The following ST18 variants were observed in gnomAD, a reference collection of about 807,000 sequenced individuals.
ST18 encodes the protein suppression of tumorigenicity 18 protein.
A neutral mutation model predicts 110.0 loss-of-function variants in ST18; 50 were observed. That is an observed-to-expected ratio of 0.45 (90% confidence interval 0.36 to 0.58). The LOEUF is 0.58. ST18 is among the 20% of genes least tolerant of loss of function. ST18 has a pLI of 0.00. For missense variants in ST18, 1,306 were observed against 1,280.1 expected, an observed-to-expected ratio of 1.02 and a Z score of -0.31; for synonymous variants, 461 against 452.4, an observed-to-expected ratio of 1.02 and a Z score of -0.24.
chr8:52,227,573 A>G (rs960725389), intron 3 of ST18, among the ~76,000 whole-genome samples: 2 of 152,230 alleles, frequency 1.3e-5, no homozygotes, highest in Non-Finnish European at 1.5e-5. Context: ...ACAATGCATT[A>G]AAGCCATATT....
intron 2 of ST18, among the ~76,000 whole-genome samples, chr8:52,275,187 T>A (rs900308261): frequency 6.6e-6 from 1 of 152,132 alleles, no homozygotes; most frequent in Non-Finnish European, 1.5e-5. Context: ...TTTTTTTTAC[T>A]TCAAGCAAAA....
chr8:52,167,126 G>T, intron 10 of ST18, 140 bp from the exon 11 acceptor site: 1 of 1,188,732 alleles, frequency 8.4e-7, no homozygotes, highest in Non-Finnish European at 1.2e-6. Flanking sequence ...CCTTGAACAA[G>T]ACCCTCAACT....
chr8:52,389,700 G>A (rs941537403), intron 2 of ST18, among the ~76,000 whole-genome samples: 1 of 152,194 alleles, frequency 6.6e-6, no homozygotes, highest in Non-Finnish European at 1.5e-5. Context: ...GGAGTAAGGA[G>A]ACTGCAGAAG....
At chr8:52,293,581 C>T (rs2139390022) in intron 2 of ST18, among the ~76,000 whole-genome samples, 1 of 152,292 alleles carries the variant, frequency 6.6e-6, no homozygotes, top group East Asian at 1.9e-4. Flanking sequence ...TTTGCCCTCT[C>T]ATTTCTTACA....
At position 52,350,055 on chromosome 8, in the gene ST18, C is replaced by T. The variant is rs116751715; in HGVS notation, c.-465+59273G>A. On this transcript the variant is annotated intron_variant, in intron 2 of 25. Transcript: ENST00000689386. ...CCGCAGGACCTCCCATCACAGAACCCGGCCTGAAGTCTGAGGAGGGAGCAG... is the reference window on the plus strand; with the variant it reads ...CCGCAGGACCTCCCATCACAGAACCTGGCCTGAAGTCTGAGGAGGGAGCAG... Among the ~76,000 whole-genome samples the T allele has an allele frequency of 7.7e-3, 1,172 of 152,236 alleles. 16 individuals are homozygous for T. Among genetic ancestry groups the T allele is most frequent in the African/African-American group, 0.027 (1,114 of 41,530 alleles).
intron 2 of ST18, among the ~76,000 whole-genome samples, chr8:52,290,164 C>A (rs1330272125): frequency 6.6e-6 from 1 of 152,190 alleles, no homozygotes; most frequent in Non-Finnish European, 1.5e-5. Context: ...AGCCCAGCCA[C>A]AACCACAAAT....
At chr8:52,310,263 C>T (rs2095881807) in intron 2 of ST18, among the ~76,000 whole-genome samples, 1 of 152,152 alleles carries the variant, frequency 6.6e-6, no homozygotes, top group Non-Finnish European at 1.5e-5. Context: ...ATAGGTAAAG[C>T]ATCCAAAGGA....
At chr8:52,254,620 A>T (rs2094467110) in intron 2 of ST18, among the ~76,000 whole-genome samples, 1 of 152,186 alleles carries the variant, frequency 6.6e-6, no homozygotes, top group Non-Finnish European at 1.5e-5. Flanking sequence ...ATGGCCAGGG[A>T]TGATAACAAT....
intron 8 of ST18, chr8:52,210,185 T>A (rs2081670044): frequency 2.2e-6 from 1 of 455,828 alleles, no homozygotes; most frequent in Admixed American, 2.4e-5. Context: ...CACTGGGTCA[T>A]TTTAAACTTC....
In ST18 at chr8:52,112,540, A is replaced by G. The variant is rs556746199; in HGVS notation, c.*658T>C. ...AATTCTGAGCAGGCTGTTTTCCAGCATCCTGTGCTTTTGTGAGTGCGGATT... is the reference window on the plus strand; with the variant it reads ...AATTCTGAGCAGGCTGTTTTCCAGCGTCCTGTGCTTTTGTGAGTGCGGATT... On this transcript the variant is annotated 3_prime_UTR_variant, in exon 26 of 26. Transcript: ENST00000689386. The G allele has an allele frequency of 6.5e-6, 1 of 152,774 alleles. No individual in the cohort carries two copies. The highest frequency in any genetic ancestry group is 2.4e-5 in the African/African-American group (1 of 41,560). 9.5% of individuals were successfully genotyped at this position (152,774 alleles called of 1,614,324 possible). A position where few individuals can be genotyped will look rare whatever the true frequency, so the allele number is the denominator to read the frequency against.
chr8:52,140,268 G>A (rs368831524), intron 17 of ST18, among the ~76,000 whole-genome samples: 20 of 152,292 alleles, frequency 1.3e-4, no homozygotes, highest in East Asian at 9.6e-4. Flanking sequence ...GGTGGCTCAC[G>A]CCTGTAATTC....
intron 15 of ST18, among the ~76,000 whole-genome samples, chr8:52,153,874 T>C (rs2059387253): frequency 6.6e-6 from 1 of 152,252 alleles, no homozygotes; most frequent in African/African-American, 2.4e-5. Context: ...ACAGAAATTC[T>C]AGAGGGATTA....
chr8:52,197,179 T>A lies in ST18; in HGVS notation c.86+14900A>T, dbSNP rs367727031. On this transcript the variant is annotated intron_variant, in intron 8 of 25. Coordinates refer to ENST00000689386, the MANE Select transcript of ST18 (RefSeq NM_001352837.2). ...TGATTGTAAAATACTTAGAAAAATA[T>A]CTGCTGCAAAGTTACTCTTAAACAA... Among the ~76,000 whole-genome samples the A allele has an allele frequency of 2.6e-5, 4 of 152,278 alleles. No homozygotes were observed. In the East Asian group the frequency reaches 5.8e-4, roughly 22 times the overall value.
intron 2 of ST18, among the ~76,000 whole-genome samples, chr8:52,289,159 T>A (rs2095515604): frequency 6.6e-6 from 1 of 152,128 alleles, no homozygotes; most frequent in Non-Finnish European, 1.5e-5. Context: ...AAAAATAGGG[T>A]TGAATTCTGC....
intron 2 of ST18, among the ~76,000 whole-genome samples, chr8:52,343,219 C>T (rs943040882): frequency 1.3e-5 from 2 of 152,056 alleles, no homozygotes; most frequent in African/African-American, 2.4e-5. Context: ...GAATGCCCTG[C>T]GTATGGAAAT....
intron 8 of ST18, among the ~76,000 whole-genome samples, chr8:52,197,579 C>T (rs1009890318): frequency 2.0e-5 from 3 of 151,960 alleles, no homozygotes; most frequent in South Asian, 2.1e-4. Context: ...CTAATTAGTA[C>T]GGTAATGAAT....
At chr8:52,208,696 C>T (rs1315870227) in intron 8 of ST18, among the ~76,000 whole-genome samples, 5 of 152,090 alleles carry the variant, frequency 3.3e-5, no homozygotes, top group Non-Finnish European at 4.4e-5. Flanking sequence ...CGTGGTGGTG[C>T]AGTCCCAGCT....
At position 52,180,894 on chromosome 8, in the gene ST18, C is replaced by T. The variant is rs567058521; in HGVS notation, c.87-582G>A. Among the ~76,000 whole-genome samples, 4 of 152,342 alleles carry T rather than the reference C, an allele frequency of 2.6e-5. No homozygotes were observed. In the South Asian group the frequency reaches 6.2e-4, roughly 24 times the overall value. On this transcript the variant is annotated intron_variant, in intron 8 of 25. Transcript: ENST00000689386. Reference sequence around the variant, plus strand: ...AAAAAAGTGGAAAGATGCTACATGGCATTCTGCCTTCTGATTCTCACTCAC... The same window carrying T: ...AAAAAAGTGGAAAGATGCTACATGGTATTCTGCCTTCTGATTCTCACTCAC...
intron 15 of ST18, among the ~76,000 whole-genome samples, chr8:52,156,946 C>G (rs1451276766): frequency 6.6e-6 from 1 of 152,194 alleles, no homozygotes; most frequent in Non-Finnish European, 1.5e-5. Flanking sequence ...CCACCCTCGT[C>G]ACCACATCAA....
Sources: allele counts gnomAD v4.1 joint callset (sites outside exome capture counted in the v4.1 genomes callset), GRCh38; gene constraint gnomAD v4.1.1; transcripts MANE v1.5; gene names NCBI Gene and HGNC (gene_info 2026-07-23, HGNC 2026-07-21).